BCAN: variants seen among roughly 807,000 people sequenced by gnomAD.
The protein encoded by BCAN is brevican core protein.
BCAN carries 51 observed loss-of-function variants against 92.4 expected under a neutral mutation model. The observed-to-expected ratio is 0.55, with a 90% CI of 0.44 to 0.70. The LOEUF (loss-of-function observed/expected upper bound fraction) is 0.70, where lower values mean the gene tolerates loss of function less well. Ranked by LOEUF, BCAN falls within the 30% of genes least tolerant of loss-of-function variation. The pLI is 0.00. For missense variants in BCAN, 1,140 were observed against 1,212.1 expected (o/e 0.94, Z 0.88); for synonymous variants, 501 against 505.2 (o/e 0.99, Z 0.11).
At chr1:156,655,022 C>T (rs1167764380) in intron 8 of BCAN, among the ~76,000 whole-genome samples, 2 of 152,222 alleles carry the variant, frequency 1.3e-5, no homozygotes, top group South Asian at 2.1e-4. Flanking sequence ...GCCAGGCCAG[C>T]GGGAAGCACT....
chr1:156,647,002 T>C lies in BCAN; in HGVS notation c.293T>C (p.Val98Ala). 1 of 1,612,930 alleles carries C rather than the reference T, an allele frequency of 6.2e-7. No homozygotes were observed. Among genetic ancestry groups the C allele is most frequent in the Non-Finnish European group, 8.5e-7 (1 of 1,179,592 alleles). Residue 98 changes from valine (V) to alanine (A), a missense_variant, in exon 3 of 14, where the codon GTC (valine) becomes GCC (alanine). Physicochemically the swap from Val to Ala is moderately conservative, Grantham distance 64. Around this residue, in one of 3 missense-constraint regions of BCAN, gnomAD observed 286 missense variants for 284.1 expected, o/e 1.01. Coordinates refer to ENST00000329117, the MANE Select transcript of BCAN (RefSeq NM_021948.5). The surrounding 1 kb of genome is among the most constrained non-coding windows in gnomAD (Gnocchi z 4.8). ...AEVLVARGVR[V>A]KVNEAYRFRV... ...GTGCTGGTGGCGCGGGGAGTGCGCG[T>C]CAAGGTGAACGAGGCCTACCGGTTC...
At position 156,652,787 on chromosome 1, in the gene BCAN, G is replaced by A; in HGVS notation, c.1837G>A (p.Asp613Asn). ...GTRELEAPSE[D>N]NSGRTAPAGT... is the part of the protein sequence containing the mutation. Reference sequence around the variant, plus strand: ...CAGGGAGCTGGAGGCCCCCTCTGAAGATAATTCTGGAAGAACTGCCCCAGC... The same window carrying A: ...CAGGGAGCTGGAGGCCCCCTCTGAAAATAATTCTGGAAGAACTGCCCCAGC... The change falls in exon 8 of 14, where the codon GAT becomes AAT. Residue 613 changes from aspartate to asparagine, a missense_variant. Coordinates refer to ENST00000329117, the MANE Select transcript of BCAN (RefSeq NM_021948.5). The A allele has an allele frequency of 1.2e-6, 2 of 1,612,884 alleles. No homozygotes were observed. The highest frequency in any genetic ancestry group is 1.7e-6 in the Non-Finnish European group (2 of 1,179,170).
At position 156,648,080 on chromosome 1, in the gene BCAN, G is replaced by A. The variant is rs896570656; in HGVS notation, c.739G>A (p.Asp247Asn). 1.2e-6 allele frequency: 2 copies of A among 1,614,032 alleles called. No individual in the cohort carries two copies. Among genetic ancestry groups the A allele is most frequent in the Non-Finnish European group, 1.7e-6 (2 of 1,179,948 alleles). Residue 247 changes from aspartate (D) to asparagine (N), a missense_variant, in exon 5 of 14, where the codon GAT becomes AAT. Asp to Asn is a conservative substitution (Grantham distance 23, BLOSUM62 1). Transcript: ENST00000329117. The stretch of plus-strand genomic sequence containing the variant: ...TGTGGTGGACCCGGATGACCTCTAT[G>A]ATGTGTACTGTTATGCTGAAGACCT... ...YGVVDPDDLYDVYCYAEDLNG... is the reference protein window; with the variant it reads ...YGVVDPDDLYNVYCYAEDLNG...
chr1:156,647,706 G>A lies in BCAN; in HGVS notation c.641+24G>A. 6 of 1,565,190 alleles carry A rather than the reference G, an allele frequency of 3.8e-6. No homozygotes were observed. Among genetic ancestry groups the A allele is most frequent in the South Asian group, 1.2e-5 (1 of 83,972 alleles). The stretch of plus-strand genomic sequence containing the variant: ...AGGTGGGCAGGGGCTGTGGATTGGG[G>A]CTTCTATTGGCCCCTGAGGTGGCCA... On this transcript the variant is annotated intron_variant, in intron 4 of 13. Transcript: ENST00000329117. This position sits in a 1 kb window ranked among gnomAD's most constrained non-coding sequence, Gnocchi z 4.8.
In BCAN at chr1:156,657,730, C is replaced by T. The variant is rs771790834; in HGVS notation, c.2265C>T (p.Asp755=). Residue 755 remains aspartate, a synonymous_variant, in exon 11 of 14, where the codon GAC becomes GAT. Coordinates refer to ENST00000329117, the MANE Select transcript of BCAN (RefSeq NM_021948.5). The stretch of plus-strand genomic sequence containing the variant: ...TCAACGACAGGACCATCGAAGGCGA[C>T]TTCTTGTGGTCGGATGGCGTCCCCC... The part of the protein sequence containing the change: ...IGLNDRTIEG[D]FLWSDGVPLL... 16 of 1,612,698 alleles carry T rather than the reference C, an allele frequency of 9.9e-6. No individual in the cohort carries two copies. The highest frequency in any genetic ancestry group is 1.4e-5 in the Non-Finnish European group (16 of 1,179,458).
Position 156,647,956 on chromosome 1 carries a change from C to G in BCAN, c.642-27C>G. The G allele has an allele frequency of 1.2e-6, 2 of 1,611,962 alleles. No individual in the cohort carries two copies. Among genetic ancestry groups the G allele is most frequent in the Non-Finnish European group, 1.7e-6 (2 of 1,178,236 alleles). ...TGGCTCCCTGGTGAAAGCATCTGTA[C>G]TAAGTGATTCTGTCCTTCCTCCCTA... On this transcript the variant is annotated intron_variant, in intron 4 of 13. Transcript: ENST00000329117. This position sits in a 1 kb window ranked among gnomAD's most constrained non-coding sequence, Gnocchi z 4.8.
chr1:156,646,236 T>C, intron 2 of BCAN, 91 bp downstream of exon 2: 2 of 1,214,194 alleles, frequency 1.6e-6, no homozygotes, highest in Non-Finnish European at 2.3e-6. Flanking sequence ...GAGAGAGAAT[T>C]GGAGGGCTGT....
chr1:156,653,554 T>C, intron 8 of BCAN: 1 of 983,322 alleles, frequency 1.0e-6, no homozygotes, highest in Non-Finnish European at 1.2e-6. Flanking sequence ...ACTTGGATGC[T>C]TCTTCTCTGG....
rs552946405 is a variant in BCAN at position 156,656,744 on chromosome 1, C to T, written c.2051-194C>T. 99 of 719,324 alleles carry T rather than the reference C, an allele frequency of 1.4e-4. No homozygotes were observed. In the African/African-American group the frequency reaches 1.7e-3, roughly 12 times the overall value. 44.6% of individuals were successfully genotyped at this position (719,324 alleles called of 1,614,324 possible). ...TGGTTCCTGTCTCTTAGAAAAGGCACCAGCGCCCCTGCCCAAGAGCCCCTC... is the reference window on the plus strand; with the variant it reads ...TGGTTCCTGTCTCTTAGAAAAGGCATCAGCGCCCCTGCCCAAGAGCCCCTC... On this transcript the variant is annotated intron_variant, in intron 9 of 13. Transcript: ENST00000329117.
At chr1:156,653,700 A>C (rs1256138286) in intron 8 of BCAN, among the ~76,000 whole-genome samples, 5 of 151,870 alleles carry the variant, frequency 3.3e-5, no homozygotes, top group Admixed American at 3.3e-4. Context: ...GCCTGTCTAC[A>C]CTTTCCTTCC....
At position 156,658,507 on chromosome 1, in the gene BCAN, G is replaced by A. The variant is rs373520328; in HGVS notation, c.2438-36G>A. ...GAGATTCTGGGAACTGTCACCCACAGAGCCAGGCTCAGTTCCTAACTGTCT... is the reference window on the plus strand; with the variant it reads ...GAGATTCTGGGAACTGTCACCCACAAAGCCAGGCTCAGTTCCTAACTGTCT... On this transcript the variant is annotated intron_variant, in intron 12 of 13. Transcript: ENST00000329117. The surrounding 1 kb of genome is among the most constrained non-coding windows in gnomAD (Gnocchi z 4.4). 9.4e-6 allele frequency: 15 copies of A among 1,592,818 alleles called. No individual in the cohort carries two copies. Among genetic ancestry groups the A allele is most frequent in the African/African-American group, 8.0e-5 (6 of 74,540 alleles).
Position 156,651,694 on chromosome 1 carries a change from G to T in BCAN, c.1297+5G>T. The T allele has an allele frequency of 6.3e-7, 1 of 1,598,356 alleles. No individual in the cohort carries two copies. Among genetic ancestry groups the T allele is most frequent in the Non-Finnish European group, 8.5e-7 (1 of 1,172,948 alleles). ...AGGCCCCTAGGACGCTCCTAGGTAA[G>T]TCGGATCCCTTATCCTAAGGATGTC... is the stretch of plus-strand genomic sequence containing the variant. On this transcript the variant is annotated splice_donor_5th_base_variant and intron_variant, in intron 7 of 13. Coordinates refer to ENST00000329117, the MANE Select transcript of BCAN (RefSeq NM_021948.5).
At chr1:156,654,638 G>A (rs1303345574) in intron 8 of BCAN, among the ~76,000 whole-genome samples, 8 of 152,238 alleles carry the variant, frequency 5.3e-5, no homozygotes, top group African/African-American at 4.8e-5. Context: ...TATGGCTTGG[G>A]TAGGGGACCA....
chr1:156,649,811 C>G, intron 6 of BCAN: 2 of 510,838 alleles, frequency 3.9e-6, no homozygotes, highest in South Asian at 2.8e-5. Flanking sequence ...CATTGCCATG[C>G]GGTGTCTCGG....
Position 156,658,085 on chromosome 1 carries a change from T to C in BCAN, c.2293-42T>C. Reference sequence around the variant, plus strand: ...GATCCTCTAGGCCCTCTCCCGGTGCTCCTGGTGTAGGAGCTCCTCACCACC... The same window carrying C: ...GATCCTCTAGGCCCTCTCCCGGTGCCCCTGGTGTAGGAGCTCCTCACCACC... On this transcript the variant is annotated intron_variant, in intron 11 of 13. Transcript: ENST00000329117. The surrounding 1 kb of genome is among the most constrained non-coding windows in gnomAD (Gnocchi z 4.4). The C allele has an allele frequency of 6.2e-7, 1 of 1,602,976 alleles. No homozygotes were observed. Among genetic ancestry groups the C allele is most frequent in the Non-Finnish European group, 8.5e-7 (1 of 1,174,012 alleles).
At chr1:156,657,292 C>A (rs1679367702) in intron 10 of BCAN, 196 bp downstream of exon 10, 1 of 852,234 alleles carries the variant, frequency 1.2e-6, no homozygotes, top group Non-Finnish European at 1.7e-6. Context: ...CCTTCGGGAA[C>A]GGAGAGTGGA....
intron 1 of BCAN, chr1:156,644,223 CAG>C (rs1678889005): frequency 5.2e-5 from 8 of 152,406 alleles, no homozygotes; most frequent in Admixed American, 5.2e-4. Flanking sequence ...CACTGTCAGA[CAG>C]AGGTGAAAGG....
chr1:156,645,994 G>A (rs1345271501), intron 1 of BCAN, 53 bp from the exon 2 acceptor site: 13 of 1,495,652 alleles, frequency 8.7e-6, no homozygotes, highest in African/African-American at 1.4e-5. Flanking sequence ...GAGCAGGGGG[G>A]AAGTCCATCC....
At chr1:156,643,826 G>C (rs1241200482) in intron 1 of BCAN, 1 of 152,346 alleles carries the variant, frequency 6.6e-6, no homozygotes, top group Non-Finnish European at 1.5e-5. Flanking sequence ...AAACAGAGAG[G>C]GGGATGTTGT....
Sources: allele counts gnomAD v4.1 joint callset (sites outside exome capture counted in the v4.1 genomes callset), GRCh38; gene constraint gnomAD v4.1.1; regional missense constraint gnomAD v4.1.1; non-coding constraint Gnocchi (gnomAD v3.1); transcripts MANE v1.5; gene names NCBI Gene and HGNC (gene_info 2026-07-23, HGNC 2026-07-21).